Variants in CACNA2D3 observed in about 807,000 individuals in gnomAD.
CACNA2D3 encodes the protein calcium voltage-gated channel auxiliary subunit alpha2delta 3.
A neutral mutation model predicts 160.6 loss-of-function variants in CACNA2D3; 60 were observed. That is an observed-to-expected ratio of 0.37 (90% CI 0.30 to 0.46). The LOEUF (loss-of-function observed/expected upper bound fraction) is 0.46, where lower values mean the gene tolerates loss of function less well. Among genes scored for constraint, CACNA2D3 ranks in the 20% least tolerant of loss-of-function variants. The pLI is 1.00. For missense variants in CACNA2D3, 1,205 were observed against 1,365.0 expected (o/e 0.88, Z 1.85); for synonymous variants, 558 against 492.9 (o/e 1.13, Z -1.75).
At chr3:54,548,429 G>A (rs192757468) in intron 5 of CACNA2D3, among the ~76,000 whole-genome samples, 1 of 152,208 alleles carries the variant, frequency 6.6e-6, no homozygotes, top group Non-Finnish European at 1.5e-5. Context: ...TTCCACCCAT[G>A]GTTCAAGCAA....
chr3:54,908,249 G>T (rs1283869180), intron 27 of CACNA2D3, among the ~76,000 whole-genome samples: 1 of 152,154 alleles, frequency 6.6e-6, no homozygotes, highest in Non-Finnish European at 1.5e-5. Context: ...ATCCTAGTGG[G>T]TGTGAAGTGA....
At chr3:54,482,703 T>C (rs750689319) in intron 4 of CACNA2D3, among the ~76,000 whole-genome samples, 12 of 152,196 alleles carry the variant, frequency 7.9e-5, no homozygotes, top group Non-Finnish European at 1.3e-4. Flanking sequence ...TTCTTGCTCA[T>C]GTAAATGCCA....
rs568510396 is a variant in CACNA2D3 at position 54,459,106 on chromosome 3, C to G, written c.382-44386C>G. ...GTCCCTACAAAGGACATGAACACAT[C>G]ATTTTTATGGCTGCATAGTATTCCA... On this transcript the variant is annotated intron_variant, in intron 4 of 37. Transcript: ENST00000474759. Among the ~76,000 whole-genome samples, 12 of 152,232 alleles carry G rather than the reference C, an allele frequency of 7.9e-5. No homozygotes were observed. The South Asian group carries it at 2.5e-3, about 32-fold the overall frequency.
chr3:54,922,826 C>A (rs1432485317), intron 27 of CACNA2D3, among the ~76,000 whole-genome samples: 2 of 152,156 alleles, frequency 1.3e-5, no homozygotes, highest in East Asian at 3.9e-4. Context: ...CTCACTCCCC[C>A]CAGTCCCCTC....
At chr3:54,421,553 T>G (rs971334528) in intron 4 of CACNA2D3, among the ~76,000 whole-genome samples, 7 of 152,152 alleles carry the variant, frequency 4.6e-5, no homozygotes, top group Non-Finnish European at 8.8e-5. Context: ...GATGGGATTC[T>G]ATATACCCTT....
At chr3:54,303,395 T>C (rs778727476) in intron 2 of CACNA2D3, among the ~76,000 whole-genome samples, 1 of 152,198 alleles carries the variant, frequency 6.6e-6, no homozygotes, top group Non-Finnish European at 1.5e-5. Flanking sequence ...GGAAATTGTT[T>C]TGTTGGTTTG....
At chr3:54,182,143 G>A (rs1255725093) in intron 2 of CACNA2D3, among the ~76,000 whole-genome samples, 1 of 152,168 alleles carries the variant, frequency 6.6e-6, no homozygotes, top group Non-Finnish European at 1.5e-5. Flanking sequence ...TTCTATGCTA[G>A]GACTTATGAA....
intron 11 of CACNA2D3, among the ~76,000 whole-genome samples, chr3:54,707,149 A>T (rs1293720398): frequency 3.9e-5 from 6 of 152,210 alleles, no homozygotes; most frequent in Non-Finnish European, 5.9e-5. Flanking sequence ...GAGCATTTCC[A>T]TGAAGGCCGA....
chr3:54,329,057 C>G (rs141439823), intron 3 of CACNA2D3, among the ~76,000 whole-genome samples: 1 of 152,152 alleles, frequency 6.6e-6, no homozygotes. Context: ...CCAGATGGCT[C>G]GTTGTCTGAG....
chr3:54,964,133 G>C (rs188438829), intron 27 of CACNA2D3, among the ~76,000 whole-genome samples: 1 of 151,980 alleles, frequency 6.6e-6, no homozygotes, highest in Non-Finnish European at 1.5e-5. Flanking sequence ...TCTTGGGGTC[G>C]CTGTCCTAGG....
rs559096040 is a variant in CACNA2D3, at chr3:54,314,494, A to G, written c.205-5948A>G. ...AGGGAATTGCCATACTGTTTTCTAT[A>G]GTGGTTGTACTAGTTTACATTCCCA... On this transcript the variant is annotated intron_variant, in intron 2 of 37. Transcript: ENST00000474759. 7.4e-4 allele frequency among the ~76,000 whole-genome samples: 113 copies of G among 152,278 alleles called. 1 individual carries two copies. The highest frequency in any genetic ancestry group is 2.6e-3 in the African/African-American group (108 of 41,538).
intron 9 of CACNA2D3, among the ~76,000 whole-genome samples, chr3:54,613,441 C>T (rs1177999336): frequency 6.6e-6 from 1 of 152,198 alleles, no homozygotes; most frequent in East Asian, 1.9e-4. Context: ...TGAATTACAG[C>T]TGTTTGGTTT....
chr3:54,252,226 G>T (rs1283569916), intron 2 of CACNA2D3, among the ~76,000 whole-genome samples: 1 of 151,158 alleles, frequency 6.6e-6, no homozygotes, highest in African/African-American at 2.4e-5. Flanking sequence ...TGATTAGATT[G>T]TCAGAAGTCT....
At chr3:54,740,624 G>T (rs1701631061) in intron 11 of CACNA2D3, among the ~76,000 whole-genome samples, 1 of 152,164 alleles carries the variant, frequency 6.6e-6, no homozygotes, top group Non-Finnish European at 1.5e-5. Context: ...GCCTTTTGGA[G>T]AATCACAGGT....
At chr3:55,036,842 A>ATTCTTT (rs1328714545) in intron 35 of CACNA2D3, among the ~76,000 whole-genome samples, 22 of 152,294 alleles carry the variant, frequency 1.4e-4, no homozygotes, top group Non-Finnish European at 2.4e-4. Context: ...CATTTTTTAA[A>ATTCTTT]TTCTTTTTCT....
intron 4 of CACNA2D3, among the ~76,000 whole-genome samples, chr3:54,436,374 T>C (rs1286613136): frequency 1.3e-5 from 2 of 152,230 alleles, no homozygotes; most frequent in Admixed American, 6.5e-5. Flanking sequence ...GTGTGGTTAT[T>C]CCTCAGGGAT....
At chr3:55,054,044 T>C (rs1174887489) in intron 35 of CACNA2D3, among the ~76,000 whole-genome samples, 1 of 148,720 alleles carries the variant, frequency 6.7e-6, no homozygotes, top group Non-Finnish European at 1.5e-5. Context: ...TTATTGTTTA[T>C]ATACTTTTAA....
intron 4 of CACNA2D3, among the ~76,000 whole-genome samples, chr3:54,473,638 A>T (rs1206670735): frequency 1.3e-5 from 2 of 152,242 alleles, no homozygotes; most frequent in African/African-American, 2.4e-5. Flanking sequence ...TATCCATCTG[A>T]CAAAGGACTA....
At chr3:55,024,300 G>A (rs997878982) in intron 35 of CACNA2D3, among the ~76,000 whole-genome samples, 1 of 151,598 alleles carries the variant, frequency 6.6e-6, no homozygotes, top group African/African-American at 2.4e-5. Context: ...GAAAATGTGT[G>A]TTGTGAATTT....
Sources: allele counts gnomAD v4.1 joint callset (sites outside exome capture counted in the v4.1 genomes callset), GRCh38; gene constraint gnomAD v4.1.1; transcripts MANE v1.5; gene names NCBI Gene and HGNC (gene_info 2026-07-23, HGNC 2026-07-21).